The following GPATCH2 variants were observed in gnomAD, a reference collection of about 807,000 sequenced individuals.
GPATCH2 encodes the protein G patch domain-containing protein 2.
A neutral mutation model predicts 58.0 loss-of-function variants in GPATCH2; 51 were observed. The ratio of observed to expected loss-of-function variants is 0.88; its 90% CI spans 0.70 to 1.11. GPATCH2 has a LOEUF of 1.11. Among genes scored for constraint, GPATCH2 ranks in the 50% most tolerant of loss-of-function variants. The pLI is 0.00. For synonymous variants in GPATCH2, 222 were observed against 218.5 expected (o/e 1.02, Z -0.14); for missense variants, 625 against 652.2 (o/e 0.96, Z 0.45).
chr1:217,614,449 C>A (rs1191353748), intron 2 of GPATCH2, among the ~76,000 whole-genome samples: 1 of 151,888 alleles, frequency 6.6e-6, no homozygotes. Flanking sequence ...GATGTGACTG[C>A]AACGAGATGC....
chr1:217,460,945 T>C (rs1173771047), intron 8 of GPATCH2, among the ~76,000 whole-genome samples: 1 of 152,190 alleles, frequency 6.6e-6, no homozygotes. Flanking sequence ...ATTTGGCAAA[T>C]ACAGGCTGAA....
intron 9 of GPATCH2, among the ~76,000 whole-genome samples, chr1:217,442,413 C>G (rs1206824306): frequency 6.6e-6 from 1 of 152,108 alleles, no homozygotes; most frequent in Non-Finnish European, 1.5e-5. Context: ...ATGGGTACAG[C>G]ACACCACCAT....
intron 8 of GPATCH2, among the ~76,000 whole-genome samples, chr1:217,452,694 C>A (rs1659725266): frequency 6.6e-6 from 1 of 152,052 alleles, no homozygotes; most frequent in Non-Finnish European, 1.5e-5. Flanking sequence ...ATCTGCTGGA[C>A]CAAACATTTT....
chr1:217,498,422 G>C (rs746929233), intron 6 of GPATCH2, 27 bp from the exon 7 acceptor site: 1 of 1,600,462 alleles, frequency 6.2e-7, no homozygotes, highest in Admixed American at 1.7e-5. Flanking sequence ...AAGGCAGTTA[G>C]AGGGAACCTA....
chr1:217,623,076 G>T (rs1466127795), intron 1 of GPATCH2, among the ~76,000 whole-genome samples: 1 of 151,906 alleles, frequency 6.6e-6, no homozygotes, highest in African/African-American at 2.4e-5. Flanking sequence ...AAGACCTATT[G>T]TCTCTGAATA....
chr1:217,486,749 T>C (rs1661472812), intron 8 of GPATCH2, among the ~76,000 whole-genome samples: 1 of 152,184 alleles, frequency 6.6e-6, no homozygotes, highest in Non-Finnish European at 1.5e-5. Context: ...GTGGAGAGGC[T>C]CTGGCACCGG....
intron 9 of GPATCH2, among the ~76,000 whole-genome samples, chr1:217,440,355 T>C (rs1659076291): frequency 6.6e-6 from 1 of 152,118 alleles, no homozygotes; most frequent in Non-Finnish European, 1.5e-5. Flanking sequence ...ATTGATGAAA[T>C]GTATCTTAAA....
intron 5 of GPATCH2, among the ~76,000 whole-genome samples, chr1:217,590,214 G>T (rs888818186): frequency 6.6e-6 from 1 of 151,822 alleles, no homozygotes; most frequent in East Asian, 1.9e-4. Flanking sequence ...AGAGACAGGG[G>T]TTTCACTATG....
chr1:217,499,492 A>G (rs1036851453), intron 6 of GPATCH2, among the ~76,000 whole-genome samples: 6 of 152,204 alleles, frequency 3.9e-5, no homozygotes, highest in Admixed American at 2.6e-4. Context: ...CTGTGGTATT[A>G]AAACCAGGAA....
At chr1:217,524,929 GAGAGGGGAGAGGGA>G (rs1663801552) in intron 5 of GPATCH2, among the ~76,000 whole-genome samples, 2 of 40,322 alleles carry the variant, frequency 5.0e-5, no homozygotes, top group African/African-American at 1.1e-4. Flanking sequence ...GGGGAGAGGG[GAGAGGGGAGAGGGA>G]GATTTCAGTT....
intron 6 of GPATCH2, among the ~76,000 whole-genome samples, chr1:217,513,551 A>C (rs966087757): frequency 6.6e-6 from 1 of 152,158 alleles, no homozygotes; most frequent in Non-Finnish European, 1.5e-5. Flanking sequence ...GTTCAATCAA[A>C]TTTGCAGGAG....
At chr1:217,452,878 T>C (rs772423502) in intron 8 of GPATCH2, among the ~76,000 whole-genome samples, 10 of 152,184 alleles carry the variant, frequency 6.6e-5, no homozygotes, top group Non-Finnish European at 1.5e-4. Context: ...AGCTGTATAT[T>C]TCAGTAATTC....
At chr1:217,528,703 G>C (rs898991379) in intron 5 of GPATCH2, among the ~76,000 whole-genome samples, 5 of 152,152 alleles carry the variant, frequency 3.3e-5, no homozygotes, top group African/African-American at 1.2e-4. Flanking sequence ...TTGTCCAACA[G>C]GGCACAGAGG....
rs561887651 is a variant in GPATCH2, at chr1:217,457,423, T to C, written c.1278-8086A>G. ...AAAGATTTCATTTAGAAATCATTTA[T>C]GTAAAACATTTTAGCACGTATATAT... is the stretch of plus-strand genomic sequence containing the variant. On this transcript the variant is annotated intron_variant, in intron 8 of 9. Transcript: ENST00000366935. Among the ~76,000 whole-genome samples the C allele has an allele frequency of 5.8e-4, 88 of 152,364 alleles. 1 individual carries two copies. Among genetic ancestry groups the C allele is most frequent in the Non-Finnish European group, 8.8e-4 (60 of 68,044 alleles).
At chr1:217,573,607 T>G (rs1454161234) in intron 5 of GPATCH2, among the ~76,000 whole-genome samples, 5 of 152,142 alleles carry the variant, frequency 3.3e-5, no homozygotes, top group Non-Finnish European at 4.4e-5. Flanking sequence ...AAATAACAAC[T>G]GCTTTCTAAA....
chr1:217,569,256 A>G (rs1666420898), intron 5 of GPATCH2, among the ~76,000 whole-genome samples: 1 of 152,130 alleles, frequency 6.6e-6, no homozygotes, highest in African/African-American at 2.4e-5. Flanking sequence ...TGAAAATACT[A>G]GAAGAAACTA....
intron 9 of GPATCH2, among the ~76,000 whole-genome samples, chr1:217,443,607 A>G (rs926669147): frequency 2.0e-5 from 3 of 152,086 alleles, no homozygotes; most frequent in Non-Finnish European, 2.9e-5. Context: ...ATATTGCACC[A>G]TCTTATTCTC....
chr1:217,562,225 T>C (rs549538417), intron 5 of GPATCH2, among the ~76,000 whole-genome samples: 3 of 152,324 alleles, frequency 2.0e-5, no homozygotes, highest in African/African-American at 7.2e-5. Context: ...GCATTGGGTT[T>C]ATTAACTTCA....
chr1:217,543,420 C>A (rs1405328420), intron 5 of GPATCH2, among the ~76,000 whole-genome samples: 1 of 152,004 alleles, frequency 6.6e-6, no homozygotes, highest in African/African-American at 2.4e-5. Context: ...CAGGCGCCCA[C>A]CACCTCGCCC....
Sources: gnomAD v4.1 joint callset for allele counts (sites outside exome capture counted in the v4.1 genomes callset) on GRCh38, gnomAD v4.1.1 for gene constraint, MANE v1.5 for transcripts, NCBI Gene and HGNC (gene_info 2026-07-23, HGNC 2026-07-21) for gene names.